The following MB21D2 variants were observed in gnomAD, a reference collection of about 807,000 sequenced individuals.
MB21D2 encodes nucleotidyltransferase MB21D2.
Under a neutral mutation model 33.3 loss-of-function variants are expected in MB21D2, and 9 were observed. The ratio of observed to expected loss-of-function variants is 0.27; its 90% CI spans 0.16 to 0.47. MB21D2 has a LOEUF of 0.47. Among genes scored for constraint, MB21D2 ranks in the 20% least tolerant of loss-of-function variants. The pLI, the probability that MB21D2 is intolerant of heterozygous loss-of-function variation, is 0.99. For missense variants in MB21D2, 540 were observed against 624.6 expected, an observed-to-expected ratio of 0.86 and a Z score of 1.44; for synonymous variants, 241 against 236.3, an observed-to-expected ratio of 1.02 and a Z score of -0.18.
At chr3:192,833,418 GCAAAAACAAAA>G (rs1712364339) in intron 1 of MB21D2, among the ~76,000 whole-genome samples, 2 of 151,998 alleles carry the variant, frequency 1.3e-5, no homozygotes, top group African/African-American at 4.8e-5. Flanking sequence ...TCTTTTTTCT[GCAAAAACAAAA>G]CAAAAACAAA....
intron 1 of MB21D2, among the ~76,000 whole-genome samples, chr3:192,907,358 G>A (rs1404186607): frequency 6.6e-6 from 1 of 152,138 alleles, no homozygotes; most frequent in African/African-American, 2.4e-5. Flanking sequence ...GAAGAGCAGA[G>A]AAGTCCAAAG....
Position 192,840,415 on chromosome 3 carries a change from C to CTTTTTTTTTTTTTTT in MB21D2, c.212-40780_212-40766dup, listed in dbSNP as rs71177380. On this transcript the variant is annotated intron_variant, in intron 1 of 1. Coordinates refer to ENST00000392452, the MANE Select transcript of MB21D2 (RefSeq NM_178496.4). ...TGACAAAGACTTTTTTCTCTTTTTT[C>CTTTTTTTTTTTTTTT]TTTTTTTTTTTTTTTTTTTTTTTTT... 1.9e-3 allele frequency among the ~76,000 whole-genome samples: 168 copies of CTTTTTTTTTTTTTTT among 88,292 alleles called. 2 individuals are homozygous for CTTTTTTTTTTTTTTT. The highest frequency in any genetic ancestry group is 3.1e-3 in the East Asian group (8 of 2,614). 57.9% of individuals were successfully genotyped at this position (88,292 alleles called of 152,430 possible).
intron 1 of MB21D2, among the ~76,000 whole-genome samples, chr3:192,895,066 G>A (rs767567528): frequency 2.6e-5 from 4 of 152,262 alleles, no homozygotes; most frequent in Middle Eastern, 3.4e-3. Context: ...GCACGAATCC[G>A]GTGGCCTGGG....
intron 1 of MB21D2, among the ~76,000 whole-genome samples, chr3:192,893,804 G>A (rs185008088): frequency 1.8e-3 from 281 of 152,248 alleles, no homozygotes; most frequent in African/African-American, 6.5e-3. Flanking sequence ...GGAGGCCCAC[G>A]GTGGGAGGAT....
At chr3:192,898,242 G>T (rs1350627987) in intron 1 of MB21D2, among the ~76,000 whole-genome samples, 1 of 143,786 alleles carries the variant, frequency 7.0e-6, no homozygotes, top group East Asian at 2.0e-4. Context: ...TTTTTTTGGA[G>T]ATGGGATCTC....
At chr3:192,805,541 CAG>C (rs1184248258) in intron 1 of MB21D2, among the ~76,000 whole-genome samples, 1 of 152,040 alleles carries the variant, frequency 6.6e-6, no homozygotes, top group Admixed American at 6.6e-5. Flanking sequence ...TATATAGTAA[CAG>C]GGCTGATTTA....
At chr3:192,869,283 A>AAGGAGGGGAGGAGGGG (rs1245156766) in intron 1 of MB21D2, among the ~76,000 whole-genome samples, 120 of 113,624 alleles carry the variant, frequency 1.1e-3, no homozygotes, top group African/African-American at 2.9e-3. Context: ...GGAAGGAAGG[A>AAGGAGGGGAGGAGGGG]AGGAGGGGAG....
intron 1 of MB21D2, among the ~76,000 whole-genome samples, chr3:192,824,306 T>C (rs1439009965): frequency 6.6e-6 from 1 of 152,078 alleles, no homozygotes; most frequent in African/African-American, 2.4e-5. Context: ...TGGCAAAACA[T>C]TCATGTATTT....
Position 192,917,502 on chromosome 3 carries a change from T to C in MB21D2, c.211+128A>G, listed in dbSNP as rs1288162427. 6 of 879,322 alleles carry C rather than the reference T, an allele frequency of 6.8e-6. No individual in the cohort carries two copies. The East Asian group carries it at 1.3e-4, about 19-fold the overall frequency. The allele number at this position is 879,322 out of a possible 1,614,324, so 54.5% of individuals were successfully genotyped here. A position where few individuals can be genotyped will look rare whatever the true frequency, so the allele number is the denominator to read the frequency against. On this transcript the variant is annotated intron_variant, in intron 1 of 1. Coordinates refer to ENST00000392452, the MANE Select transcript of MB21D2 (RefSeq NM_178496.4). ...AGAGAGAGGCGGAACAGAGATGGCT[T>C]ATACCCAAGGCACCGGCTCGGGAAG...
chr3:192,802,292 A>C (rs912009668), intron 1 of MB21D2, among the ~76,000 whole-genome samples: 10 of 152,162 alleles, frequency 6.6e-5, no homozygotes, highest in African/African-American at 2.4e-4. Context: ...AGGGAAGCTC[A>C]GCTTCTCCTA....
chr3:192,838,161 T>C (rs1031210179), intron 1 of MB21D2, among the ~76,000 whole-genome samples: 2 of 152,200 alleles, frequency 1.3e-5, no homozygotes, highest in Non-Finnish European at 2.9e-5. Context: ...AGTTCTTCAC[T>C]GACTGCTGGA....
chr3:192,864,488 A>G (rs1267561716), intron 1 of MB21D2, among the ~76,000 whole-genome samples: 2 of 152,074 alleles, frequency 1.3e-5, no homozygotes, highest in Admixed American at 6.5e-5. Context: ...TGGAATTACA[A>G]GTGTGAACCA....
intron 1 of MB21D2, among the ~76,000 whole-genome samples, chr3:192,828,585 C>CG (rs1338638056): frequency 2.8e-5 from 2 of 72,640 alleles, no homozygotes; most frequent in African/African-American, 5.4e-5. Flanking sequence ...TAAAACTCAC[C>CG]CCCCCCATAT....
intron 1 of MB21D2, among the ~76,000 whole-genome samples, chr3:192,814,733 T>C (rs946923818): frequency 8.6e-5 from 13 of 151,816 alleles, no homozygotes; most frequent in African/African-American, 2.9e-4. Flanking sequence ...GGCGTGGTGG[T>C]GGACGCCTTT....
At position 192,897,713 on chromosome 3, in the gene MB21D2, C is replaced by T. The variant is rs1463262009; in HGVS notation, c.211+19917G>A. On this transcript the variant is annotated intron_variant, in intron 1 of 1. Transcript: ENST00000392452. ...GTATGTAAAATAAAAAACCAAAGGCCGGGCATGGTGGCTCACACCTGTAAA... is the reference window on the plus strand; with the variant it reads ...GTATGTAAAATAAAAAACCAAAGGCTGGGCATGGTGGCTCACACCTGTAAA... Among the ~76,000 whole-genome samples the T allele has an allele frequency of 3.9e-5, 6 of 152,086 alleles. No homozygotes were observed. In the East Asian group the frequency reaches 5.8e-4, roughly 15 times the overall value.
intron 1 of MB21D2, among the ~76,000 whole-genome samples, chr3:192,830,233 TGTGTGTGA>T (rs1453060189): frequency 1.0e-5 from 1 of 100,268 alleles, no homozygotes; most frequent in African/African-American, 5.4e-5. Flanking sequence ...CAAAGATGAG[TGTGTGTGA>T]GTGTGTGTGT....
intron 1 of MB21D2, among the ~76,000 whole-genome samples, chr3:192,900,356 T>C (rs917373956): frequency 6.7e-6 from 1 of 148,898 alleles, no homozygotes; most frequent in Non-Finnish European, 1.5e-5. Flanking sequence ...TCACCAAGGG[T>C]TGGACAAATC....
At chr3:192,876,387 T>G (rs1188708127) in intron 1 of MB21D2, among the ~76,000 whole-genome samples, 1 of 152,244 alleles carries the variant, frequency 6.6e-6, no homozygotes. Flanking sequence ...ATCTCTAGAA[T>G]CTGTCTAGTT....
chr3:192,874,994 A>G (rs1194380893), intron 1 of MB21D2, among the ~76,000 whole-genome samples: 1 of 145,054 alleles, frequency 6.9e-6, no homozygotes, highest in Non-Finnish European at 1.5e-5. Context: ...CCCTAACTAC[A>G]CCTTTGTAAA....
Sources: allele counts gnomAD v4.1 joint callset (sites outside exome capture counted in the v4.1 genomes callset), GRCh38; gene constraint gnomAD v4.1.1; transcripts MANE v1.5; gene names NCBI Gene and HGNC (gene_info 2026-07-23, HGNC 2026-07-21).